AP1AR: variants seen among roughly 807,000 people sequenced by gnomAD.
AP1AR encodes adaptor related protein complex 1 associated regulatory protein.
In AP1AR, 29 loss-of-function variants were observed where a neutral mutation model predicts 46.3. That is an observed-to-expected ratio of 0.63 (90% CI 0.47 to 0.85). AP1AR has a LOEUF of 0.85. AP1AR is among the 40% of genes least tolerant of loss of function. The pLI is 0.00. For synonymous variants in AP1AR, 122 were observed against 122.9 expected, an observed-to-expected ratio of 0.99 and a Z score of 0.05; for missense variants, 357 against 356.3, an observed-to-expected ratio of 1.00 and a Z score of -0.02.
intron 1 of AP1AR, among the ~76,000 whole-genome samples, chr4:112,243,231 C>T (rs76283803): frequency 0.026 from 3,996 of 152,286 alleles, 176 homozygotes; most frequent in East Asian, 0.16. Context: ...ATCACTTTGT[C>T]CTTTATCGTT....
At chr4:112,246,271 C>T (rs961140494) in intron 1 of AP1AR, among the ~76,000 whole-genome samples, 9 of 152,022 alleles carry the variant, frequency 5.9e-5, no homozygotes, top group Admixed American at 1.3e-4. Context: ...TTTGGATGAC[C>T]GAGGCAGGCA....
At chr4:112,254,324 G>C (rs1001472079) in intron 2 of AP1AR, among the ~76,000 whole-genome samples, 1 of 152,280 alleles carries the variant, frequency 6.6e-6, no homozygotes, top group Non-Finnish European at 1.5e-5. Flanking sequence ...AAATATAAAC[G>C]TGGGGAAATT....
chr4:112,243,909 A>G (rs1023296101), intron 1 of AP1AR, among the ~76,000 whole-genome samples: 4 of 152,208 alleles, frequency 2.6e-5, no homozygotes, highest in Non-Finnish European at 5.9e-5. Flanking sequence ...ACTTTTACCA[A>G]TAATGAATTT....
rs940420880 is a variant in AP1AR at position 112,271,231 on chromosome 4, A to G, written c.*2822A>G. 4.6e-5 allele frequency among the ~76,000 whole-genome samples: 7 copies of G among 152,232 alleles called. No individual in the cohort carries two copies. The highest frequency in any genetic ancestry group is 1.7e-4 in the African/African-American group (7 of 41,470). Reference sequence around the variant, plus strand: ...TGGATCCTCCATGGCAAGATAGGCCATCGTAAAGGAGCTGTCAAAGGGCCA... The same window carrying G: ...TGGATCCTCCATGGCAAGATAGGCCGTCGTAAAGGAGCTGTCAAAGGGCCA... On this transcript the variant is annotated 3_prime_UTR_variant, in exon 10 of 10. Coordinates refer to ENST00000274000, the MANE Select transcript of AP1AR (RefSeq NM_018569.6).
rs1223558832 is a variant in AP1AR, at chr4:112,263,054, G to A, written c.349G>A (p.Ala117Thr). 1 of 1,613,688 alleles carries A rather than the reference G, an allele frequency of 6.2e-7. No individual in the cohort carries two copies. Among genetic ancestry groups the A allele is most frequent in the Non-Finnish European group, 8.5e-7 (1 of 1,179,822 alleles). ...EALYAAQREA[A>T]RAAKQRKLLE... The stretch of plus-strand genomic sequence containing the variant: ...TTTATACGCTGCACAGCGTGAAGCA[G>A]CCAGGGCAGCAAAGCAGCGAAAGCT... The change falls in exon 6 of 10, where the codon GCC becomes ACC. Residue 117 changes from alanine (A) to threonine (T), a missense_variant. Physicochemically the swap from Ala to Thr is moderately conservative, Grantham distance 58 (BLOSUM62 0). Transcript: ENST00000274000.
intron 6 of AP1AR, 69 bp from the exon 7 acceptor site, chr4:112,264,940 G>A: frequency 8.4e-7 from 1 of 1,193,096 alleles, no homozygotes; most frequent in Non-Finnish European, 1.2e-6. Flanking sequence ...TTTTGGTGTT[G>A]CATGAGTGGT....
rs942794481 is a variant in AP1AR, at chr4:112,232,003, G to A, written c.-89G>A. Reference sequence around the variant, plus strand: ...CCCTCGGTCCTTGAACCCCATTTCGGCTCGTGCCGTGCGGATGCAGCTGCC... The same window carrying A: ...CCCTCGGTCCTTGAACCCCATTTCGACTCGTGCCGTGCGGATGCAGCTGCC... On this transcript the variant is annotated 5_prime_UTR_variant, in exon 1 of 10. Coordinates refer to ENST00000274000, the MANE Select transcript of AP1AR (RefSeq NM_018569.6). The A allele has an allele frequency of 5.7e-6, 7 of 1,225,362 alleles. No individual in the cohort carries two copies. The African/African-American group carries it at 9.5e-5, about 17-fold the overall frequency. 75.9% of individuals were successfully genotyped at this position (1,225,362 alleles called of 1,614,324 possible).
rs1288001659 is a variant in AP1AR at position 112,272,959 on chromosome 4, A to T, written c.*4550A>T. On this transcript the variant is annotated 3_prime_UTR_variant, in exon 10 of 10. Transcript: ENST00000274000. ...GACATCTAAAAAAGATTTTATGTTA[A>T]ATATGTAGTGTTTTCCCATCTTCAT... The T allele has an allele frequency of 1.3e-5, 2 of 152,046 alleles. No individual in the cohort carries two copies. Among genetic ancestry groups the T allele is most frequent in the South Asian group, 2.1e-4 (1 of 4,830 alleles). The allele number at this position is 152,046 out of a possible 1,614,324, so 9.4% of individuals were successfully genotyped here. A position where few individuals can be genotyped will look rare whatever the true frequency, so the allele number is the denominator to read the frequency against.
chr4:112,266,546 G>C, intron 8 of AP1AR, 42 bp from the exon 9 acceptor site: 1 of 1,586,088 alleles, frequency 6.3e-7, no homozygotes, highest in Non-Finnish European at 8.6e-7. Flanking sequence ...TGCGGTGGAA[G>C]AGTAGATGAG....
intron 2 of AP1AR, among the ~76,000 whole-genome samples, chr4:112,253,940 A>G (rs2110481281): frequency 6.6e-6 from 1 of 152,330 alleles, no homozygotes; most frequent in South Asian, 2.1e-4. Context: ...GGAATTAGAT[A>G]TTTAAAAATC....
At chr4:112,265,137 A>G in intron 7 of AP1AR, 70 bp downstream of exon 7, 1 of 1,230,414 alleles carries the variant, frequency 8.1e-7, no homozygotes, top group South Asian at 1.4e-5. Context: ...AGCATCATTC[A>G]CCTCAAGATG....
intron 4 of AP1AR, 32 bp downstream of exon 4, chr4:112,257,829 T>C: frequency 6.6e-7 from 1 of 1,514,012 alleles, no homozygotes. Flanking sequence ...AAAACAAAAC[T>C]TCTATGCAAA....
At chr4:112,233,515 TA>T (rs772701891) in intron 1 of AP1AR, among the ~76,000 whole-genome samples, 8 of 152,258 alleles carry the variant, frequency 5.3e-5, no homozygotes, top group Admixed American at 6.5e-5. Context: ...GCTTGCCCAA[TA>T]ACTAGATGCC....
At position 112,265,073 on chromosome 4, in the gene AP1AR, T is replaced by G. The variant is rs753142668; in HGVS notation, c.440+6T>G. On this transcript the variant is annotated splice_donor_region_variant and intron_variant, in intron 7 of 9. Transcript: ENST00000274000. Reference sequence around the variant, plus strand: ...AACAATGGAGAATATCAAAGGTAAATAGTGAAACATATGCCTCCTTCCCTT... The same window carrying G: ...AACAATGGAGAATATCAAAGGTAAAGAGTGAAACATATGCCTCCTTCCCTT... 1.9e-6 allele frequency: 3 copies of G among 1,595,894 alleles called. No homozygotes were observed. Among genetic ancestry groups the G allele is most frequent in the Non-Finnish European group, 2.6e-6 (3 of 1,172,504 alleles).
intron 1 of AP1AR, among the ~76,000 whole-genome samples, chr4:112,251,449 G>T (rs995618342): frequency 6.6e-6 from 1 of 152,216 alleles, no homozygotes; most frequent in Non-Finnish European, 1.5e-5. Flanking sequence ...TTTCGACAAT[G>T]TTCTACTTAG....
chr4:112,252,417 C>CCA (rs2110479567), intron 1 of AP1AR, among the ~76,000 whole-genome samples: 1 of 152,156 alleles, frequency 6.6e-6, no homozygotes, highest in East Asian at 1.9e-4. Context: ...GTAACAGGAG[C>CCA]CACATTATGA....
chr4:112,268,364 T>C lies in AP1AR; in HGVS notation c.864T>C (p.Ser288=). The C allele has an allele frequency of 6.2e-7, 1 of 1,611,028 alleles. No individual in the cohort carries two copies. The highest frequency in any genetic ancestry group is 2.2e-5 in the East Asian group (1 of 44,842). Reference sequence around the variant, plus strand: ...TTGTAAATCCTGTATTAGAACTGTCTGATTCTGGCATAAGGCATTCTGACA... The same window carrying C: ...TTGTAAATCCTGTATTAGAACTGTCCGATTCTGGCATAAGGCATTCTGACA... ...SGFVNPVLEL[S]DSGIRHSDTD... Residue 288 remains serine (S), a synonymous_variant, in exon 10 of 10, where the codon TCT becomes TCC. Coordinates refer to ENST00000274000, the MANE Select transcript of AP1AR (RefSeq NM_018569.6).
intron 1 of AP1AR, among the ~76,000 whole-genome samples, chr4:112,249,553 A>T (rs1725864689): frequency 6.6e-6 from 1 of 151,774 alleles, no homozygotes; most frequent in Admixed American, 6.6e-5. Flanking sequence ...GCTACTTGGG[A>T]GGCTGAGGCA....
intron 1 of AP1AR, among the ~76,000 whole-genome samples, chr4:112,239,052 C>T (rs1333619187): frequency 1.3e-5 from 2 of 152,132 alleles, no homozygotes; most frequent in African/African-American, 2.4e-5. Flanking sequence ...TCTGAGTGGC[C>T]CCTACATGTT....
Sources: allele counts gnomAD v4.1 joint callset (sites outside exome capture counted in the v4.1 genomes callset), GRCh38; gene constraint gnomAD v4.1.1; transcripts MANE v1.5; gene names NCBI Gene and HGNC (gene_info 2026-07-23, HGNC 2026-07-21).